Variants in POTEI observed in about 807,000 individuals in gnomAD.
POTEI encodes POTE ankyrin domain family, member I.
POTEI carries 14 observed loss-of-function variants against 43.4 expected under a neutral mutation model. The observed-to-expected ratio is 0.32, with a 90% CI of 0.21 to 0.50. The LOEUF (loss-of-function observed/expected upper bound fraction) is 0.50, where lower values mean the gene tolerates loss of function less well. POTEI is among the 20% of genes least tolerant of loss of function. POTEI has a pLI of 0.98. For missense variants in POTEI, 235 were observed against 795.4 expected, an observed-to-expected ratio of 0.30 and a Z score of 8.47; for synonymous variants, 95 against 297.9, an observed-to-expected ratio of 0.32 and a Z score of 7.01.
At chr2:130,509,384 C>T (rs1489681668), upstream of POTEI, 4 of 421,190 alleles carry the variant, frequency 9.5e-6, no homozygotes, top group East Asian at 1.6e-4. Flanking sequence ...AGCAGGTAAG[C>T]CCAACCCACC....
intron 9 of POTEI, among the ~76,000 whole-genome samples, chr2:130,483,657 C>T (rs1295936177): frequency 3.1e-5 from 4 of 130,382 alleles, no homozygotes; most frequent in Non-Finnish European, 4.7e-5. Flanking sequence ...TGCAGTGCAA[C>T]GATCTCGGCT....
chr2:130,464,594 T>C (rs1682778642), intron 14 of POTEI, among the ~76,000 whole-genome samples: 1 of 151,010 alleles, frequency 6.6e-6, no homozygotes, highest in Non-Finnish European at 1.5e-5. Context: ...GCTATGCATA[T>C]ATTTGGACAG....
At chr2:130,468,703 TGGG>T (rs3050012) in intron 13 of POTEI, among the ~76,000 whole-genome samples, 1 of 64,744 alleles carries the variant, frequency 1.5e-5, no homozygotes, top group African/African-American at 3.6e-5. Flanking sequence ...GCCAAACTAT[TGGG>T]GGGGGGGGTA....
intron 1 of POTEI, among the ~76,000 whole-genome samples, chr2:130,507,315 TATACACACACAC>T (rs1321464770): frequency 2.7e-3 from 20 of 7,292 alleles, no homozygotes; most frequent in African/African-American, 3.8e-3. Flanking sequence ...TATATATATA[TATACACACACAC>T]ACACACACAC....
At chr2:130,507,097 T>C (rs1453908784) in intron 1 of POTEI, among the ~76,000 whole-genome samples, 1 of 141,602 alleles carries the variant, frequency 7.1e-6, no homozygotes, top group Non-Finnish European at 1.5e-5. Context: ...ACCCCATCTC[T>C]AGTAAAAATA....
rs564550491 is a variant in POTEI, at chr2:130,494,057, G to C, written c.1126+2495C>G. On this transcript the variant is annotated intron_variant, in intron 6 of 14. Coordinates refer to ENST00000451531, the MANE Select transcript of POTEI (RefSeq NM_001277406.2). ...CTTCCATCAATCCCAGCAAACTATA[G>C]GCCACAGGCCAAATCCAATCTGCAT... is the stretch of plus-strand genomic sequence containing the variant. Among the ~76,000 whole-genome samples, 410 of 42,178 alleles carry C rather than the reference G, an allele frequency of 9.7e-3. 146 individuals are homozygous for C. Among genetic ancestry groups the C allele is most frequent in the African/African-American group, 0.021 (376 of 17,542 alleles). The allele number at this position is 42,178 out of a possible 152,430, so 27.7% of individuals were successfully genotyped here. A position where few individuals can be genotyped will look rare whatever the true frequency, so the allele number is the denominator to read the frequency against.
At chr2:130,507,333 C>T (rs1684207214) in intron 1 of POTEI, among the ~76,000 whole-genome samples, 1 of 60,696 alleles carries the variant, frequency 1.6e-5, no homozygotes, top group East Asian at 4.6e-4. Context: ...CACACACACA[C>T]ACACATATAT....
At chr2:130,480,490 T>C (rs1208388269) in intron 10 of POTEI, among the ~76,000 whole-genome samples, 3 of 150,048 alleles carry the variant, frequency 2.0e-5, no homozygotes, top group Admixed American at 1.3e-4. Context: ...GGCAATCTCA[T>C]TAGATGTTCC....
At chr2:130,467,486 A>C (rs1459814867) in intron 13 of POTEI, among the ~76,000 whole-genome samples, 4 of 138,460 alleles carry the variant, frequency 2.9e-5, no homozygotes, top group African/African-American at 5.3e-5. Flanking sequence ...CTGGATCTCT[A>C]TCTCTCACCA....
At chr2:130,502,260 G>A (rs1254897117) in intron 3 of POTEI, among the ~76,000 whole-genome samples, 3 of 11,134 alleles carry the variant, frequency 2.7e-4, no homozygotes, top group African/African-American at 4.5e-4. Flanking sequence ...ACATATCCAG[G>A]CTTTATTAGA....
chr2:130,492,966 C>T (rs559796926), intron 6 of POTEI, among the ~76,000 whole-genome samples: 31 of 151,278 alleles, frequency 2.0e-4, no homozygotes, highest in African/African-American at 7.0e-4. Flanking sequence ...ATGTTAAATA[C>T]TAGCCTATAC....
intron 6 of POTEI, among the ~76,000 whole-genome samples, chr2:130,492,976 C>A (rs1683801890): frequency 6.6e-6 from 1 of 150,672 alleles, no homozygotes; most frequent in Non-Finnish European, 1.5e-5. Flanking sequence ...CTAGCCTATA[C>A]AAAAAACACT....
In POTEI at chr2:130,508,727, T is replaced by C; in HGVS notation, c.509A>G (p.Asp170Gly). Reference protein sequence around the residue: ...MLRDTDVNKQDKQKRTALHLA... With the variant: ...MLRDTDVNKQGKQKRTALHLA... Reference sequence around the variant, plus strand: ...CAGGCCTGGTTACCTCTTTTGCTTGTCCTGCTTGTTCACGTCAGTGTCCCT... The same window carrying C: ...CAGGCCTGGTTACCTCTTTTGCTTGCCCTGCTTGTTCACGTCAGTGTCCCT... The change falls in exon 1 of 15, where the codon GAC (aspartate) becomes GGC (glycine). Residue 170 changes from aspartate (D) to glycine (G), a missense_variant. Physicochemically the swap from Asp to Gly is moderately conservative, Grantham distance 94 (BLOSUM62 -1). Transcript: ENST00000451531. 4 of 1,194,178 alleles carry C rather than the reference T, an allele frequency of 3.3e-6. No homozygotes were observed. The highest frequency in any genetic ancestry group is 2.4e-5 in the African/African-American group (1 of 42,012). 74.0% of individuals were successfully genotyped at this position (1,194,178 alleles called of 1,614,324 possible). A position where few individuals can be genotyped will look rare whatever the true frequency, so the allele number is the denominator to read the frequency against.
rs1267106882 is a variant in POTEI, at chr2:130,484,125, T to C, written c.1410-2052A>G. On this transcript the variant is annotated intron_variant, in intron 9 of 14. Coordinates refer to ENST00000451531, the MANE Select transcript of POTEI (RefSeq NM_001277406.2). Reference sequence around the variant, plus strand: ...GAGGAGAAAAACTAAAGCAGGAAAATGAAATGTTTATGTGTTTGATGGGGA... The same window carrying C: ...GAGGAGAAAAACTAAAGCAGGAAAACGAAATGTTTATGTGTTTGATGGGGA... 1.9e-3 allele frequency among the ~76,000 whole-genome samples: 276 copies of C among 147,222 alleles called. 3 individuals are homozygous for C. The highest frequency in any genetic ancestry group is 6.7e-3 in the African/African-American group (263 of 39,208).
intron 13 of POTEI, among the ~76,000 whole-genome samples, chr2:130,468,512 G>C (rs1335358714): frequency 2.0e-5 from 3 of 151,886 alleles, no homozygotes; most frequent in East Asian, 1.9e-4. Flanking sequence ...GCGGGAGAGA[G>C]AGAAGAGAGA....
chr2:130,468,786 T>C (rs1404490372), intron 13 of POTEI, among the ~76,000 whole-genome samples: 1 of 152,234 alleles, frequency 6.6e-6, no homozygotes, highest in Non-Finnish European at 1.5e-5. Context: ...ACTTATGATT[T>C]TGTTTGAAAA....
chr2:130,484,165 T>G (rs996494776), intron 9 of POTEI, among the ~76,000 whole-genome samples: 6 of 149,748 alleles, frequency 4.0e-5, no homozygotes, highest in Non-Finnish European at 8.9e-5. Flanking sequence ...GGTGGGAAAG[T>G]TGAGATGGCC....
At chr2:130,492,814 A>G (rs1408102426) in intron 6 of POTEI, among the ~76,000 whole-genome samples, 1 of 139,306 alleles carries the variant, frequency 7.2e-6, no homozygotes, top group Non-Finnish European at 1.6e-5. Flanking sequence ...GTGCCTATGA[A>G]TTTAACTAAT....
intron 1 of POTEI, among the ~76,000 whole-genome samples, chr2:130,505,148 G>A (rs943256985): frequency 2.0e-5 from 3 of 149,154 alleles, no homozygotes; most frequent in African/African-American, 2.5e-5. Flanking sequence ...GCTCCCACCT[G>A]TAATTGAGAA....
Sources: gnomAD v4.1 joint callset for allele counts (sites outside exome capture counted in the v4.1 genomes callset) on GRCh38, gnomAD v4.1.1 for gene constraint, MANE v1.5 for transcripts, NCBI Gene and HGNC (gene_info 2026-07-23, HGNC 2026-07-21) for gene names.